F13A1: variants seen among roughly 807,000 people sequenced by gnomAD.
F13A1 encodes the protein FSF, A subunit.
Under a neutral mutation model 80.1 loss-of-function variants are expected in F13A1, and 47 were observed. The ratio of observed to expected loss-of-function variants is 0.59; its 90% confidence interval spans 0.46 to 0.75. The LOEUF is 0.75. Among genes scored for constraint, F13A1 ranks in the 30% least tolerant of loss-of-function variants. F13A1 has a pLI of 0.00. For synonymous variants in F13A1, 349 were observed against 344.9 expected (o/e 1.01, Z -0.13); for missense variants, 817 against 930.4 (o/e 0.88, Z 1.59).
In F13A1 at chr6:6,218,350, G is replaced by A. The variant is rs568696235; in HGVS notation, c.1112+3683C>T. 1.3e-3 allele frequency among the ~76,000 whole-genome samples: 192 copies of A among 152,198 alleles called. 1 individual carries two copies. The highest frequency in any genetic ancestry group is 3.6e-3 in the Admixed American group (55 of 15,292). On this transcript the variant is annotated intron_variant, in intron 8 of 14. Coordinates refer to ENST00000264870, the MANE Select transcript of F13A1 (RefSeq NM_000129.4). ...CTGACTCCCTCCTCACTGAGCCCTCGTATTCTATTTGCTGTTTGGACTGCA... is the reference window on the plus strand; with the variant it reads ...CTGACTCCCTCCTCACTGAGCCCTCATATTCTATTTGCTGTTTGGACTGCA...
intron 10 of F13A1, among the ~76,000 whole-genome samples, chr6:6,183,659 C>G (rs78100997): frequency 0.014 from 2,171 of 152,226 alleles, 32 homozygotes; most frequent in Non-Finnish European, 0.02. Context: ...AGAATAAGTA[C>G]AAGATACTTT....
chr6:6,185,748 G>A (rs2151078462), intron 10 of F13A1, among the ~76,000 whole-genome samples: 1 of 152,294 alleles, frequency 6.6e-6, no homozygotes, highest in South Asian at 2.1e-4. Context: ...GTAATGGGAT[G>A]GCTGGTTCAA....
chr6:6,195,673 CT>C (rs1236567931), intron 10 of F13A1, 123 bp downstream of exon 10: 5 of 823,608 alleles, frequency 6.1e-6, no homozygotes, highest in South Asian at 1.5e-5. Flanking sequence ...GCCTAGTTAC[CT>C]TTGTCAACAC....
rs200276987 is a variant in F13A1, at chr6:6,167,865, A to C, written c.1748-247T>G. ...AGAAAATGTGTCAAACCTTCCAAAC[A>C]GTTCTTTTGCTGTTGTAAAAGAAAT... On this transcript the variant is annotated intron_variant, in intron 12 of 14. Coordinates refer to ENST00000264870, the MANE Select transcript of F13A1 (RefSeq NM_000129.4). Among the ~76,000 whole-genome samples the C allele has an allele frequency of 4.6e-5, 7 of 152,150 alleles. No homozygotes were observed. The East Asian group carries it at 1.4e-3, about 29-fold the overall frequency.
At chr6:6,205,439 A>G (rs909327382) in intron 8 of F13A1, among the ~76,000 whole-genome samples, 8 of 152,252 alleles carry the variant, frequency 5.3e-5, no homozygotes, top group African/African-American at 1.9e-4. Context: ...CTGGCTAGAT[A>G]CCAGTCCAGA....
chr6:6,234,368 A>G (rs1452289919), intron 6 of F13A1, among the ~76,000 whole-genome samples: 3 of 152,068 alleles, frequency 2.0e-5, no homozygotes, highest in Admixed American at 6.6e-5. Flanking sequence ...TCGAACATGA[A>G]GTACTTCAGG....
At chr6:6,210,601 AG>A (rs1372606252) in intron 8 of F13A1, among the ~76,000 whole-genome samples, 3 of 151,682 alleles carry the variant, frequency 2.0e-5, no homozygotes, top group Non-Finnish European at 4.4e-5. Flanking sequence ...TTACTGTGTT[AG>A]CCAGGATGGT....
intron 6 of F13A1, among the ~76,000 whole-genome samples, chr6:6,227,972 T>TA (rs1757299924): frequency 6.6e-6 from 1 of 152,206 alleles, no homozygotes; most frequent in Non-Finnish European, 1.5e-5. Flanking sequence ...GGTAAGTTTT[T>TA]AGTGACAGAT....
intron 10 of F13A1, among the ~76,000 whole-genome samples, chr6:6,185,761 G>C (rs1413559795): frequency 6.6e-6 from 1 of 152,158 alleles, no homozygotes; most frequent in Admixed American, 6.5e-5. Context: ...TGGTTCAAAT[G>C]GTATTTCCAG....
intron 2 of F13A1, among the ~76,000 whole-genome samples, chr6:6,308,108 G>C (rs750079145): frequency 8.1e-4 from 123 of 152,040 alleles, no homozygotes; most frequent in Non-Finnish European, 1.5e-3. Context: ...CTGCCTCCTG[G>C]GTTCAAGCAA....
At chr6:6,283,475 AC>A (rs1389958621) in intron 3 of F13A1, among the ~76,000 whole-genome samples, 1 of 152,238 alleles carries the variant, frequency 6.6e-6, no homozygotes, top group Non-Finnish European at 1.5e-5. Context: ...GGTAGTACAC[AC>A]TAAAGTATTC....
chr6:6,297,121 T>C (rs1008060472), intron 3 of F13A1, among the ~76,000 whole-genome samples: 1 of 149,112 alleles, frequency 6.7e-6, no homozygotes, highest in Non-Finnish European at 1.5e-5. Context: ...TGGATAAGCT[T>C]TTTGATGTGC....
intron 8 of F13A1, among the ~76,000 whole-genome samples, chr6:6,211,889 C>A (rs1321725820): frequency 1.3e-5 from 2 of 152,246 alleles, no homozygotes; most frequent in African/African-American, 4.8e-5. Context: ...TCAGGGAGTT[C>A]CCTTCCCGAG....
chr6:6,201,310 C>G (rs573905426), intron 8 of F13A1, among the ~76,000 whole-genome samples: 6 of 152,300 alleles, frequency 3.9e-5, no homozygotes, highest in Non-Finnish European at 8.8e-5. Context: ...ATGATCTCTT[C>G]TAGTTTCACT....
intron 2 of F13A1, among the ~76,000 whole-genome samples, chr6:6,315,137 T>C (rs1758660617): frequency 6.6e-6 from 1 of 152,234 alleles, no homozygotes; most frequent in Non-Finnish European, 1.5e-5. Context: ...GTTAACAATA[T>C]AGAGCCAAAG....
intron 6 of F13A1, among the ~76,000 whole-genome samples, chr6:6,232,279 C>A (rs1046300445): frequency 5.9e-5 from 9 of 152,084 alleles, no homozygotes; most frequent in Admixed American, 5.2e-4. Flanking sequence ...CAAATGGACA[C>A]CAAAAGCGAG....
At chr6:6,192,488 G>A (rs978308522) in intron 10 of F13A1, among the ~76,000 whole-genome samples, 5 of 152,092 alleles carry the variant, frequency 3.3e-5, no homozygotes, top group African/African-American at 1.2e-4. Flanking sequence ...CATAAGGGAG[G>A]TTAAGAAGGA....
chr6:6,195,736 C>G, intron 10 of F13A1, 61 bp downstream of exon 10: 1 of 1,477,424 alleles, frequency 6.8e-7, no homozygotes, highest in East Asian at 2.3e-5. Flanking sequence ...TTTTAGCTTA[C>G]TCTTTCATGT....
chr6:6,158,918 T>TTTC (rs10668357), intron 13 of F13A1, among the ~76,000 whole-genome samples: 67,986 of 146,528 alleles, frequency 0.46, 16,006 homozygotes, highest in African/African-American at 0.53. Context: ...TTTTTTTTTT[T>TTTC]CGAGACGGAG....
Sources: gnomAD v4.1 joint callset for allele counts (sites outside exome capture counted in the v4.1 genomes callset) on GRCh38, gnomAD v4.1.1 for gene constraint, MANE v1.5 for transcripts, NCBI Gene and HGNC (gene_info 2026-07-23, HGNC 2026-07-21) for gene names.